CDH13: variants seen among roughly 807,000 people sequenced by gnomAD.
CDH13 encodes cadherin 13, also known as cadherin-13.
In CDH13, 24 loss-of-function variants were observed where a neutral mutation model predicts 63.8. The observed-to-expected ratio is 0.38, with a 90% CI of 0.27 to 0.53. The LOEUF (loss-of-function observed/expected upper bound fraction) is 0.53, where lower values mean the gene tolerates loss of function less well. CDH13 is among the 20% of genes least tolerant of loss of function. CDH13 has a pLI of 0.85. For missense variants in CDH13, 1,049 were observed against 903.1 expected (o/e 1.16, Z -2.07); for synonymous variants, 503 against 355.3 (o/e 1.42, Z -4.67).
At chr16:82,802,528 C>A (rs181914108) in intron 1 of CDH13, among the ~76,000 whole-genome samples, 1 of 152,238 alleles carries the variant, frequency 6.6e-6, no homozygotes, top group East Asian at 1.9e-4. Flanking sequence ...TAAGACTTAG[C>A]AGCAAAAGGG....
intron 3 of CDH13, among the ~76,000 whole-genome samples, chr16:83,097,806 C>T (rs984093065): frequency 6.6e-6 from 1 of 152,196 alleles, no homozygotes. Context: ...GTTTTCTCAG[C>T]TCCAATTTTA....
chr16:83,202,087 G>C (rs2039049144), intron 4 of CDH13, among the ~76,000 whole-genome samples: 1 of 152,112 alleles, frequency 6.6e-6, no homozygotes, highest in Non-Finnish European at 1.5e-5. Flanking sequence ...TGGCCCCATA[G>C]TGTCCCCTGA....
At chr16:82,763,742 G>A (rs887809162) in intron 1 of CDH13, among the ~76,000 whole-genome samples, 2 of 152,270 alleles carry the variant, frequency 1.3e-5, no homozygotes, top group Admixed American at 1.3e-4. Flanking sequence ...GGAGCACAGT[G>A]TGCGATCACA....
At position 83,589,283 on chromosome 16, in the gene CDH13, C is replaced by T. The variant is rs576314169; in HGVS notation, c.961-13171C>T. ...CCCCTTATTCTTTCTCCCTTTCCCC[C>T]CCCCGGACCCCTCTCCCTCCCTTCT... On this transcript the variant is annotated intron_variant, in intron 7 of 13. Coordinates refer to ENST00000567109, the MANE Select transcript of CDH13 (RefSeq NM_001257.5). Among the ~76,000 whole-genome samples, 7 of 125,016 alleles carry T rather than the reference C, an allele frequency of 5.6e-5. No individual in the cohort carries two copies. In the East Asian group the frequency reaches 1.7e-3, roughly 30 times the overall value. 82.0% of individuals were successfully genotyped at this position (125,016 alleles called of 152,430 possible).
chr16:83,400,895 C>T (rs2091958256), intron 6 of CDH13, among the ~76,000 whole-genome samples: 1 of 152,236 alleles, frequency 6.6e-6, no homozygotes, highest in Admixed American at 6.5e-5. Context: ...ATCATTGCTC[C>T]TACTAATGAT....
chr16:82,669,825 T>C (rs1913027318), intron 1 of CDH13, among the ~76,000 whole-genome samples: 3 of 152,208 alleles, frequency 2.0e-5, no homozygotes, highest in Admixed American at 6.5e-5. Context: ...AAGACAAATG[T>C]CCTGATCTCA....
At position 83,563,290 on chromosome 16, in the gene CDH13, A is replaced by G. The variant is rs567094344; in HGVS notation, c.961-39164A>G. 2.9e-3 allele frequency among the ~76,000 whole-genome samples: 444 copies of G among 152,320 alleles called. 3 individuals are homozygous for G. Among genetic ancestry groups the G allele is most frequent in the African/African-American group, 0.01 (424 of 41,566 alleles). On this transcript the variant is annotated intron_variant, in intron 7 of 13. Coordinates refer to ENST00000567109, the MANE Select transcript of CDH13 (RefSeq NM_001257.5). Reference sequence around the variant, plus strand: ...GATTATTAACTCGGAGTGAATGGCTATTCTTTTTGGAGATTTTAAGCAGTC... The same window carrying G: ...GATTATTAACTCGGAGTGAATGGCTGTTCTTTTTGGAGATTTTAAGCAGTC...
Position 83,561,828 on chromosome 16 carries a change from C to G in CDH13, c.961-40626C>G, listed in dbSNP as rs534691570. Among the ~76,000 whole-genome samples the G allele has an allele frequency of 2.6e-5, 4 of 152,304 alleles. No individual in the cohort carries two copies. In the East Asian group the frequency reaches 7.7e-4, roughly 29 times the overall value. ...ATTGTTCCACAGCTGAGTGGCATCA[C>G]TGTTTTGTAGTTCCTTAAAAGAGAC... On this transcript the variant is annotated intron_variant, in intron 7 of 13. Transcript: ENST00000567109.
At chr16:82,905,754 T>C (rs1223544874) in intron 2 of CDH13, among the ~76,000 whole-genome samples, 1 of 152,182 alleles carries the variant, frequency 6.6e-6, no homozygotes, top group Admixed American at 6.5e-5. Context: ...ATTATTCACA[T>C]ATTTGACCTT....
rs1904286511 is a variant in CDH13 at position 83,797,260 on chromosome 16, A to C, written c.*2230A>C. ...ATGTAAACTTCAGCCACATGCAGGG[A>C]GAAACACAGCAGCTGAGTGGCCATT... is the stretch of plus-strand genomic sequence containing the variant. On this transcript the variant is annotated 3_prime_UTR_variant, in exon 14 of 14. Coordinates refer to ENST00000567109, the MANE Select transcript of CDH13 (RefSeq NM_001257.5). The C allele has an allele frequency of 6.6e-6, 1 of 152,278 alleles. No individual in the cohort carries two copies. The highest frequency in any genetic ancestry group is 2.4e-5 in the African/African-American group (1 of 41,464). The allele number at this position is 152,278 out of a possible 1,614,324, so 9.4% of individuals were successfully genotyped here. A position where few individuals can be genotyped will look rare whatever the true frequency, so the allele number is the denominator to read the frequency against.
Position 83,486,103 on chromosome 16 carries a change from G to A in CDH13, c.782-374G>A, listed in dbSNP as rs535238283. On this transcript the variant is annotated intron_variant, in intron 6 of 13. Transcript: ENST00000567109. Reference sequence around the variant, plus strand: ...GGTTGCAGTAAGCCAAGATCACGCCGCTGCACTCCGGCTTGGGTGACAGAG... The same window carrying A: ...GGTTGCAGTAAGCCAAGATCACGCCACTGCACTCCGGCTTGGGTGACAGAG... Among the ~76,000 whole-genome samples the A allele has an allele frequency of 1.4e-3, 212 of 151,172 alleles. 4 individuals are homozygous for A. The South Asian group carries it at 0.038, about 27-fold the overall frequency.
At chr16:83,475,285 G>C (rs975563036) in intron 6 of CDH13, among the ~76,000 whole-genome samples, 1 of 152,228 alleles carries the variant, frequency 6.6e-6, no homozygotes, top group Non-Finnish European at 1.5e-5. Flanking sequence ...GTGCAGGCAA[G>C]AGTGCTGTGT....
At chr16:83,307,610 A>G (rs1011736570) in intron 5 of CDH13, among the ~76,000 whole-genome samples, 5 of 152,234 alleles carry the variant, frequency 3.3e-5, no homozygotes, top group African/African-American at 1.2e-4. Context: ...GTTTGGTTAC[A>G]AAGTAAAATA....
At chr16:83,441,184 A>G (rs2072470170) in intron 6 of CDH13, among the ~76,000 whole-genome samples, 1 of 152,220 alleles carries the variant, frequency 6.6e-6, no homozygotes, top group Admixed American at 6.5e-5. Flanking sequence ...CTGTGGATGG[A>G]TCTTCCAGAG....
intron 11 of CDH13, among the ~76,000 whole-genome samples, chr16:83,755,468 G>C (rs150198881): frequency 2.6e-5 from 4 of 152,174 alleles, no homozygotes; most frequent in Non-Finnish European, 1.5e-5. Context: ...CAAACCACAA[G>C]CTGGATAAAT....
chr16:83,123,229 T>C, intron 3 of CDH13, among the ~76,000 whole-genome samples: 1 of 151,926 alleles, frequency 6.6e-6, no homozygotes, highest in Non-Finnish European at 1.5e-5. Flanking sequence ...TACGTATAGA[T>C]ATATTTACAT....
chr16:82,658,852 G>T (rs1241595154), intron 1 of CDH13, among the ~76,000 whole-genome samples: 1 of 152,188 alleles, frequency 6.6e-6, no homozygotes, highest in East Asian at 1.9e-4. Flanking sequence ...CTGTTTGTGG[G>T]TATGTATGGA....
chr16:83,508,119 A>AAGGG (rs140872284), intron 7 of CDH13, among the ~76,000 whole-genome samples: 4 of 75,538 alleles, frequency 5.3e-5, no homozygotes, highest in Non-Finnish European at 7.8e-5. Context: ...AAAAGGAAGG[A>AAGGG]AGGGAGGAAG....
chr16:83,316,463 C>G (rs1255688127), intron 5 of CDH13, among the ~76,000 whole-genome samples: 1 of 152,170 alleles, frequency 6.6e-6, no homozygotes, highest in East Asian at 1.9e-4. Flanking sequence ...AGTGCTACCG[C>G]TAGAGCTGGA....
Sources: allele counts gnomAD v4.1 joint callset (sites outside exome capture counted in the v4.1 genomes callset), GRCh38; gene constraint gnomAD v4.1.1; transcripts MANE v1.5; gene names NCBI Gene and HGNC (gene_info 2026-07-23, HGNC 2026-07-21).